Variants in DLG2 observed in about 807,000 individuals in gnomAD.
DLG2 encodes disks large homolog 2.
In DLG2, 45 loss-of-function variants were observed where a neutral mutation model predicts 132.5. The ratio of observed to expected loss-of-function variants is 0.34; its 90% CI spans 0.27 to 0.44. DLG2 has a LOEUF of 0.44. Among genes scored for constraint, DLG2 ranks in the 20% least tolerant of loss-of-function variants. The probability of loss-of-function intolerance (pLI) is 1.00; values close to 1 mark genes in which losing one functional copy is unlikely to be tolerated. For missense variants in DLG2, 1,045 were observed against 1,196.9 expected, an observed-to-expected ratio of 0.87 and a Z score of 1.87; for synonymous variants, 424 against 419.6, an observed-to-expected ratio of 1.01 and a Z score of -0.13.
At chr11:83,702,091 C>A (rs1343857251) in intron 18 of DLG2, among the ~76,000 whole-genome samples, 3 of 152,258 alleles carry the variant, frequency 2.0e-5, no homozygotes, top group East Asian at 3.9e-4. Context: ...CAGGGACTTA[C>A]CCCCTTTGCA....
intron 6 of DLG2, among the ~76,000 whole-genome samples, chr11:84,860,023 G>C (rs2083402296): frequency 1.3e-5 from 2 of 152,054 alleles, no homozygotes; most frequent in Non-Finnish European, 2.9e-5. Flanking sequence ...ATCTTAACAG[G>C]CTGGTAGCCC....
At chr11:83,842,399 T>G (rs1565298385) in intron 16 of DLG2, among the ~76,000 whole-genome samples, 5 of 149,896 alleles carry the variant, frequency 3.3e-5, no homozygotes, top group Admixed American at 2.0e-4. Context: ...ATTGAGACCA[T>G]TCTGGCCAAC....
At chr11:84,153,549 T>C (rs1304399375) in intron 9 of DLG2, among the ~76,000 whole-genome samples, 2 of 152,208 alleles carry the variant, frequency 1.3e-5, no homozygotes, top group African/African-American at 2.4e-5. Flanking sequence ...AAAAAAAATA[T>C]TTTTTCTTTA....
At chr11:84,701,447 T>C (rs1418015545) in intron 6 of DLG2, among the ~76,000 whole-genome samples, 2 of 151,638 alleles carry the variant, frequency 1.3e-5, no homozygotes, top group African/African-American at 4.8e-5. Flanking sequence ...AAAATGCATG[T>C]AGCATAGCCC....
intron 6 of DLG2, among the ~76,000 whole-genome samples, chr11:84,859,842 A>C (rs1489712147): frequency 6.6e-6 from 1 of 152,124 alleles, no homozygotes; most frequent in Admixed American, 6.6e-5. Flanking sequence ...GTTTAAAAAA[A>C]ATCAACTGTT....
At chr11:85,129,315 CA>C (rs2075459136) in intron 5 of DLG2, among the ~76,000 whole-genome samples, 1 of 152,194 alleles carries the variant, frequency 6.6e-6, no homozygotes. Context: ...AAATCTGATA[CA>C]TTCTGCAAAT....
intron 6 of DLG2, among the ~76,000 whole-genome samples, chr11:84,869,348 GGAT>G (rs1417123804): frequency 3.3e-5 from 5 of 152,156 alleles, no homozygotes; most frequent in African/African-American, 1.2e-4. Context: ...ATGGATAGCT[GGAT>G]TCAATGGCTG....
chr11:83,992,826 T>C (rs2093798060), intron 11 of DLG2, among the ~76,000 whole-genome samples: 2 of 152,252 alleles, frequency 1.3e-5, no homozygotes, highest in South Asian at 4.1e-4. Context: ...GAAGTTCTCA[T>C]CTTCCATTTA....
At chr11:83,862,202 C>A (rs1039258968) in intron 16 of DLG2, among the ~76,000 whole-genome samples, 1 of 152,108 alleles carries the variant, frequency 6.6e-6, no homozygotes, top group South Asian at 2.1e-4. Flanking sequence ...TGTCTACCAA[C>A]AAACGAGAAT....
intron 21 of DLG2, among the ~76,000 whole-genome samples, chr11:83,528,164 C>T (rs918955315): frequency 1.3e-5 from 2 of 152,102 alleles, no homozygotes; most frequent in Non-Finnish European, 2.9e-5. Flanking sequence ...CTTATCTAGG[C>T]TACTGACACA....
intron 7 of DLG2, among the ~76,000 whole-genome samples, chr11:84,395,475 G>T (rs1206372670): frequency 6.6e-6 from 1 of 152,120 alleles, no homozygotes; most frequent in Admixed American, 6.6e-5. Context: ...GGAGTGCAGT[G>T]TTGTGATCTC....
chr11:85,147,359 T>C (rs890304602), intron 5 of DLG2, among the ~76,000 whole-genome samples: 6 of 152,178 alleles, frequency 3.9e-5, no homozygotes, highest in Middle Eastern at 3.2e-3. Context: ...TGGTTTCTCA[T>C]TGTAGTTTTG....
At chr11:85,487,901 C>G (rs1055256011) in intron 3 of DLG2, among the ~76,000 whole-genome samples, 1 of 152,190 alleles carries the variant, frequency 6.6e-6, no homozygotes, top group African/African-American at 2.4e-5. Flanking sequence ...TGTCCCCACC[C>G]AAATCTCATC....
At chr11:85,603,854 C>T (rs1475584003) in intron 2 of DLG2, among the ~76,000 whole-genome samples, 1 of 152,090 alleles carries the variant, frequency 6.6e-6, no homozygotes, top group African/African-American at 2.4e-5. Context: ...GAGTTCGAGG[C>T]TTCAGTGGGC....
At chr11:84,364,138 A>G (rs1022292743) in intron 7 of DLG2, among the ~76,000 whole-genome samples, 8 of 152,042 alleles carry the variant, frequency 5.3e-5, no homozygotes, top group African/African-American at 1.9e-4. Context: ...CTTCCTACCC[A>G]TGAGCATGGA....
chr11:84,764,581 G>C (rs994553303), intron 6 of DLG2, among the ~76,000 whole-genome samples: 2 of 151,976 alleles, frequency 1.3e-5, no homozygotes, highest in South Asian at 2.1e-4. Flanking sequence ...AACTGAGTTT[G>C]GAAGTTAAAG....
intron 3 of DLG2, among the ~76,000 whole-genome samples, chr11:85,526,986 G>C (rs1361815081): frequency 6.6e-6 from 1 of 152,108 alleles, no homozygotes. Context: ...CAACCAAAAT[G>C]TGTATATTTT....
chr11:84,277,472 T>C (rs568539692), intron 7 of DLG2, among the ~76,000 whole-genome samples: 2 of 152,260 alleles, frequency 1.3e-5, no homozygotes, highest in South Asian at 2.1e-4. Flanking sequence ...CAATTCCAAA[T>C]AGCTCACTGG....
At chr11:83,878,310 T>G (rs767254994) in intron 15 of DLG2, among the ~76,000 whole-genome samples, 4 of 152,188 alleles carry the variant, frequency 2.6e-5, no homozygotes, top group Non-Finnish European at 5.9e-5. Context: ...ATGAATACCA[T>G]GGATTGAATT....
Sources: gnomAD v4.1 joint callset for allele counts (sites outside exome capture counted in the v4.1 genomes callset) on GRCh38, gnomAD v4.1.1 for gene constraint, MANE v1.5 for transcripts, NCBI Gene and HGNC (gene_info 2026-07-23, HGNC 2026-07-21) for gene names.